Variants in SAMD12 observed in about 807,000 individuals in gnomAD.
The protein encoded by SAMD12 is sterile alpha motif domain containing 12, also known as sterile alpha motif domain-containing protein 12.
A neutral mutation model predicts 15.0 loss-of-function variants in SAMD12; 9 were observed. The ratio of observed to expected loss-of-function variants is 0.60; its 90% CI spans 0.36 to 1.05. SAMD12 has a LOEUF of 1.05. SAMD12 is among the 50% of genes least tolerant of loss of function. The pLI, the probability that SAMD12 is intolerant of heterozygous loss-of-function variation, is 0.01. For synonymous variants in SAMD12, 86 were observed against 90.1 expected (o/e 0.96, Z 0.25); for missense variants, 230 against 234.2 (o/e 0.98, Z 0.12).
chr8:118,159,686 T>C, the SAMD12 span, among the ~76,000 whole-genome samples: 152 of 151,620 alleles, frequency 1.0e-3, no homozygotes, highest in African/African-American at 3.6e-3. Flanking sequence ...AGTGCTTCTC[T>C]GATACTATAT....
Position 118,264,235 on chromosome 8 carries a change from T to C in SAMD12, c.434-66503A>G, listed in dbSNP as rs1056155642. Among the ~76,000 whole-genome samples the C allele has an allele frequency of 7.2e-5, 11 of 152,222 alleles. No homozygotes were observed. The East Asian group carries it at 2.1e-3, about 29-fold the overall frequency. On this transcript the variant is annotated intron_variant, in intron 4 of 4. Coordinates refer to the SAMD12 transcript ENST00000409003. Reference sequence around the variant, plus strand: ...GAATGTGTTTATGTAGTACAAATACTCATATATCCTCCTCCACCTCTCTCT... The same window carrying C: ...GAATGTGTTTATGTAGTACAAATACCCATATATCCTCCTCCACCTCTCTCT...
the SAMD12 span, among the ~76,000 whole-genome samples, chr8:118,156,146 C>CTA: frequency 6.6e-6 from 1 of 152,148 alleles, no homozygotes; most frequent in African/African-American, 2.4e-5. Flanking sequence ...TCTGCTGTAT[C>CTA]TATTATTCCA....
At chr8:118,488,970 A>C (rs541907392) in intron 2 of SAMD12, among the ~76,000 whole-genome samples, 11 of 152,370 alleles carry the variant, frequency 7.2e-5, no homozygotes, top group African/African-American at 2.6e-4. Flanking sequence ...ACCAGTTTAC[A>C]CTTTAGCAAA....
chr8:118,332,186 A>G (rs946284664), intron 4 of SAMD12, among the ~76,000 whole-genome samples: 3 of 152,244 alleles, frequency 2.0e-5, no homozygotes, highest in Non-Finnish European at 4.4e-5. Context: ...GTACTCCTGA[A>G]AGGCTGAAAG....
chr8:118,143,560 C>T, the SAMD12 span, among the ~76,000 whole-genome samples: 927 of 152,184 alleles, frequency 6.1e-3, 5 homozygotes, highest in Non-Finnish European at 7.8e-3. Flanking sequence ...CCTTTGAAGC[C>T]GTTCTCTATC....
intron 4 of SAMD12, among the ~76,000 whole-genome samples, chr8:118,277,798 A>G (rs1029478162): frequency 6.6e-6 from 1 of 152,184 alleles, no homozygotes; most frequent in African/African-American, 2.4e-5. Context: ...TGAGGTTATT[A>G]CATTGCCCAT....
At chr8:118,188,566 T>C (rs896752273), downstream of SAMD12, among the ~76,000 whole-genome samples, 2 of 152,180 alleles carry the variant, frequency 1.3e-5, no homozygotes, top group Admixed American at 6.6e-5. Context: ...TCTCCTTTCT[T>C]TTTTATGCAG....
rs1819679854 is a variant in SAMD12 at position 118,200,331 on chromosome 8, C to T, written c.434-2599G>A. Among the ~76,000 whole-genome samples the T allele has an allele frequency of 2.7e-5, 4 of 150,836 alleles. No homozygotes were observed. The South Asian group carries it at 8.4e-4, about 32-fold the overall frequency. ...TAGAAATATTCTGAGCCTTTCCCAT[C>T]CCATCTTCTGAGTAGGCTTCCGTGT... On this transcript the variant is annotated intron_variant, in intron 4 of 4. Coordinates refer to the SAMD12 transcript ENST00000409003.
intron 4 of SAMD12, among the ~76,000 whole-genome samples, chr8:118,369,881 A>G (rs1232086782): frequency 6.6e-6 from 1 of 152,188 alleles, no homozygotes; most frequent in Admixed American, 6.5e-5. Context: ...CATGACAAAA[A>G]TGTCAAAAGC....
At chr8:118,228,781 TACTGGGTATCTACCC>T (rs766106650) in intron 4 of SAMD12, among the ~76,000 whole-genome samples, 22 of 152,182 alleles carry the variant, frequency 1.4e-4, no homozygotes, top group Non-Finnish European at 2.8e-4. Context: ...GCAATCCCAC[TACTGGGTATCTACCC>T]AGAGGAAAAA....
intron 1 of SAMD12, chr8:118,621,017 TAA>T (rs1034156113): frequency 1.3e-5 from 2 of 152,100 alleles, no homozygotes; most frequent in African/African-American, 4.8e-5. Context: ...TGTTCCAAGG[TAA>T]GATAACCTGA....
chr8:118,220,564 A>G (rs13270533), intron 4 of SAMD12, among the ~76,000 whole-genome samples: 71,386 of 151,982 alleles, frequency 0.47, 19,920 homozygotes, highest in Non-Finnish European at 0.63. Flanking sequence ...TCATGTTATA[A>G]AATCAGTTTC....
At chr8:118,234,811 T>C (rs1417164479) in intron 4 of SAMD12, among the ~76,000 whole-genome samples, 1 of 151,894 alleles carries the variant, frequency 6.6e-6, no homozygotes. Flanking sequence ...GATAAGTAAG[T>C]CATAATAAAA....
At chr8:118,600,195 A>G (rs968830335) in intron 1 of SAMD12, among the ~76,000 whole-genome samples, 1 of 152,148 alleles carries the variant, frequency 6.6e-6, no homozygotes, top group African/African-American at 2.4e-5. Flanking sequence ...TGCCCCAAAT[A>G]ATTGAAGCAA....
At chr8:118,180,856 C>G in the SAMD12 span, among the ~76,000 whole-genome samples, 1 of 152,256 alleles carries the variant, frequency 6.6e-6, no homozygotes, top group African/African-American at 2.4e-5. Flanking sequence ...CCACTGCACC[C>G]AACATCATGC....
At chr8:118,479,393 G>C (rs60721417) in intron 2 of SAMD12, among the ~76,000 whole-genome samples, 3,951 of 152,306 alleles carry the variant, frequency 0.026, 169 homozygotes, top group African/African-American at 0.089. Context: ...AATCATGGCA[G>C]AAGGTGAAAG....
At chr8:118,186,734 A>T (rs1444039680), downstream of SAMD12, among the ~76,000 whole-genome samples, 1 of 152,212 alleles carries the variant, frequency 6.6e-6, no homozygotes, top group Non-Finnish European at 1.5e-5. Context: ...AGGGAGAATC[A>T]TGACAAGGAT....
At chr8:118,422,804 G>C (rs1822056009) in intron 3 of SAMD12, among the ~76,000 whole-genome samples, 1 of 152,180 alleles carries the variant, frequency 6.6e-6, no homozygotes, top group Non-Finnish European at 1.5e-5. Context: ...ATGGATACAG[G>C]ATGCAGCATG....
intron 2 of SAMD12, among the ~76,000 whole-genome samples, chr8:118,491,458 G>C (rs1824438031): frequency 1.3e-5 from 2 of 152,046 alleles, no homozygotes; most frequent in African/African-American, 4.8e-5. Context: ...TGCATTCTTG[G>C]TTATCTAACA....
Sources: gnomAD v4.1 joint callset for allele counts (sites outside exome capture counted in the v4.1 genomes callset) on GRCh38, gnomAD v4.1.1 for gene constraint, MANE v1.5 for transcripts, NCBI Gene and HGNC (gene_info 2026-07-23, HGNC 2026-07-21) for gene names.